The following NALF1 variants were observed in gnomAD, a reference collection of about 807,000 sequenced individuals.
The protein encoded by NALF1 is family with sequence similarity 155 member A.
NALF1 carries 3 observed loss-of-function variants against 48.4 expected under a neutral mutation model. That is an observed-to-expected ratio of 0.06 (90% CI 0.03 to 0.16). The LOEUF is 0.16. NALF1 is among the 10% of genes least tolerant of loss of function. NALF1 has a pLI of 1.00. For missense variants in NALF1, 526 were observed against 571.5 expected (o/e 0.92, Z 0.81); for synonymous variants, 262 against 245.7 (o/e 1.07, Z -0.62).
At chr13:107,676,623 A>AATTTAATTTAATTAATTTAATTAATTT (rs1566439858) in intron 1 of NALF1, among the ~76,000 whole-genome samples, 23 of 151,664 alleles carry the variant, frequency 1.5e-4, no homozygotes, top group Admixed American at 5.9e-4. Flanking sequence ...TTAATTAATT[A>AATTTAATTTAATTAATTTAATTAATTT]AATTAAATTG....
intron 1 of NALF1, among the ~76,000 whole-genome samples, chr13:107,377,229 T>C (rs887333410): frequency 6.6e-6 from 1 of 152,208 alleles, no homozygotes. Context: ...GGTGTGTTCA[T>C]CTGCTCTAAA....
intron 1 of NALF1, among the ~76,000 whole-genome samples, chr13:107,373,196 T>A (rs886182500): frequency 4.6e-5 from 7 of 152,186 alleles, no homozygotes; most frequent in Non-Finnish European, 7.3e-5. Flanking sequence ...TTCCTTTCAT[T>A]CTTCATTAAG....
chr13:107,441,487 T>C (rs991722487), intron 1 of NALF1, among the ~76,000 whole-genome samples: 5 of 152,104 alleles, frequency 3.3e-5, no homozygotes, highest in African/African-American at 1.2e-4. Context: ...TAATGGGACT[T>C]AGTCATGAAA....
chr13:107,740,121 C>A (rs1876590116), intron 1 of NALF1, among the ~76,000 whole-genome samples: 1 of 152,176 alleles, frequency 6.6e-6, no homozygotes, highest in Non-Finnish European at 1.5e-5. Context: ...GTCCACAAAA[C>A]CGGTCCCTGG....
rs183569218 is a variant in NALF1, at chr13:107,368,506, C to A, written c.916-157751G>T. On this transcript the variant is annotated intron_variant, in intron 1 of 2. Coordinates refer to ENST00000375915, the MANE Select transcript of NALF1 (RefSeq NM_001080396.3). ...GCTCAAAGTACCATCAGCAGGGCCA[C>A]GCTTGCTCCAGAGACTCTGGGGGCA... Among the ~76,000 whole-genome samples the A allele has an allele frequency of 2.0e-5, 3 of 152,220 alleles. No individual in the cohort carries two copies. The East Asian group carries it at 5.8e-4, about 30-fold the overall frequency.
chr13:107,642,369 G>C (rs765114101), intron 1 of NALF1, among the ~76,000 whole-genome samples: 10 of 152,174 alleles, frequency 6.6e-5, no homozygotes, highest in Admixed American at 5.2e-4. Context: ...TCCAACAAAC[G>C]TTTAAGTCAA....
At chr13:107,733,184 C>T (rs1876363846) in intron 1 of NALF1, among the ~76,000 whole-genome samples, 1 of 152,120 alleles carries the variant, frequency 6.6e-6, no homozygotes. Context: ...CCATTATTAA[C>T]ATTTTAGCAT....
At chr13:107,565,505 C>T (rs1416766225) in intron 1 of NALF1, among the ~76,000 whole-genome samples, 1 of 152,030 alleles carries the variant, frequency 6.6e-6, no homozygotes, top group Non-Finnish European at 1.5e-5. Flanking sequence ...AACAAAAACT[C>T]TATTTTCCAT....
intron 1 of NALF1, among the ~76,000 whole-genome samples, chr13:107,396,237 C>T (rs1883709530): frequency 6.6e-6 from 1 of 152,148 alleles, no homozygotes; most frequent in Non-Finnish European, 1.5e-5. Flanking sequence ...AACCTCCTCA[C>T]AGGCTGTATC....
At chr13:107,515,726 C>T (rs1876032156) in intron 1 of NALF1, among the ~76,000 whole-genome samples, 1 of 152,182 alleles carries the variant, frequency 6.6e-6, no homozygotes, top group Admixed American at 6.5e-5. Flanking sequence ...ATTACGTTTC[C>T]CACACCCTAG....
At chr13:107,450,208 T>C (rs1219432324) in intron 1 of NALF1, among the ~76,000 whole-genome samples, 1 of 151,902 alleles carries the variant, frequency 6.6e-6, no homozygotes, top group East Asian at 1.9e-4. Context: ...GGCCAGAAGC[T>C]AGACCAAGAA....
chr13:107,499,445 G>C (rs1875444494), intron 1 of NALF1, among the ~76,000 whole-genome samples: 1 of 152,012 alleles, frequency 6.6e-6, no homozygotes, highest in Non-Finnish European at 1.5e-5. Context: ...CCTGGGCTGG[G>C]GGATCCTCAT....
At chr13:107,307,399 A>T (rs887635799) in intron 1 of NALF1, among the ~76,000 whole-genome samples, 1 of 152,218 alleles carries the variant, frequency 6.6e-6, no homozygotes, top group South Asian at 2.1e-4. Flanking sequence ...TGAATTAGGC[A>T]GAAAAAACTA....
intron 1 of NALF1, among the ~76,000 whole-genome samples, chr13:107,298,710 G>A (rs149744848): frequency 0.066 from 9,993 of 152,132 alleles, 521 homozygotes; most frequent in African/African-American, 0.13. Flanking sequence ...GATTACAGGC[G>A]TGAGCCACTG....
At chr13:107,612,002 GAGACAGGGAAAGA>G (rs1879235907) in intron 1 of NALF1, among the ~76,000 whole-genome samples, 1 of 138,362 alleles carries the variant, frequency 7.2e-6, no homozygotes, top group Admixed American at 7.3e-5. Context: ...GGAGAGGAGA[GAGACAGGGAAAGA>G]GAGAGAGAAA....
At chr13:107,633,951 A>G (rs1879906353) in intron 1 of NALF1, among the ~76,000 whole-genome samples, 1 of 148,814 alleles carries the variant, frequency 6.7e-6, no homozygotes. Context: ...TATTCTGTAT[A>G]TATGGATATA....
At chr13:107,702,741 A>G (rs1366850088) in intron 1 of NALF1, among the ~76,000 whole-genome samples, 5 of 149,916 alleles carry the variant, frequency 3.3e-5, no homozygotes, top group Non-Finnish European at 7.4e-5. Flanking sequence ...TTTTCCCCCC[A>G]TGTGTCCCTG....
At chr13:107,780,817 T>C (rs1428790143) in intron 1 of NALF1, among the ~76,000 whole-genome samples, 1 of 152,176 alleles carries the variant, frequency 6.6e-6, no homozygotes, top group Non-Finnish European at 1.5e-5. Flanking sequence ...CAATGATGAT[T>C]ACTACTCTGT....
rs71121563 is a variant in NALF1 at position 107,867,304 on chromosome 13, TGCCGCCGCCGCCGCC to T, written c.-723_-709del. The stretch of plus-strand genomic sequence containing the variant: ...ACCCCCCACCCCGCGCTCTAAGTGC[TGCCGCCGCCGCCGCC>T]GCCGCCGCCGCTGCCGCAGGGCCGC... On this transcript the variant is annotated 5_prime_UTR_variant, in exon 1 of 3. Coordinates refer to ENST00000375915, the MANE Select transcript of NALF1 (RefSeq NM_001080396.3). The surrounding 1 kb of genome is among the most constrained non-coding windows in gnomAD (Gnocchi z 4.4). Among the ~76,000 whole-genome samples the T allele has an allele frequency of 3.2e-4, 33 of 103,532 alleles. No homozygotes were observed. The highest frequency in any genetic ancestry group is 7.4e-4 in the South Asian group (2 of 2,696). 67.9% of individuals were successfully genotyped at this position (103,532 alleles called of 152,430 possible).
Sources: allele counts gnomAD v4.1 joint callset (sites outside exome capture counted in the v4.1 genomes callset), GRCh38; gene constraint gnomAD v4.1.1; non-coding constraint Gnocchi (gnomAD v3.1); transcripts MANE v1.5; gene names NCBI Gene and HGNC (gene_info 2026-07-23, HGNC 2026-07-21).